NUP88: variants seen among roughly 807,000 people sequenced by gnomAD.
NUP88 encodes the protein nuclear pore complex protein Nup88.
Under a neutral mutation model 93.9 loss-of-function variants are expected in NUP88, and 57 were observed. That is an observed-to-expected ratio of 0.61 (90% CI 0.49 to 0.76). The LOEUF is 0.76. NUP88 is among the 30% of genes least tolerant of loss of function. The pLI, the probability that NUP88 is intolerant of heterozygous loss-of-function variation, is 0.00. For synonymous variants in NUP88, 346 were observed against 336.8 expected (o/e 1.03, Z -0.30); for missense variants, 911 against 901.0 (o/e 1.01, Z -0.14).
intron 6 of NUP88, among the ~76,000 whole-genome samples, chr17:5,404,640 A>T (rs559616098): frequency 4.6e-5 from 7 of 152,242 alleles, no homozygotes; most frequent in South Asian, 2.1e-4. Flanking sequence ...AAAAATAAAT[A>T]AAAAAATTGA....
At chr17:5,415,760 G>C (rs916450456) in intron 2 of NUP88, among the ~76,000 whole-genome samples, 3 of 151,982 alleles carry the variant, frequency 2.0e-5, no homozygotes, top group African/African-American at 4.8e-5. Context: ...TGGGTTTATC[G>C]GGACATAACC....
chr17:5,395,527 A>ATCT (rs1912719038), intron 8 of NUP88, among the ~76,000 whole-genome samples: 4 of 140,592 alleles, frequency 2.8e-5, no homozygotes, highest in Admixed American at 2.2e-4. Context: ...TACTCAATTT[A>ATCT]TAACAGCTTT....
At chr17:5,398,594 C>CTT (rs892477455) in intron 8 of NUP88, among the ~76,000 whole-genome samples, 2 of 125,920 alleles carry the variant, frequency 1.6e-5, no homozygotes, top group Admixed American at 8.0e-5. Flanking sequence ...CCTGGCCTAA[C>CTT]TTTTTTTTTT....
intron 2 of NUP88, among the ~76,000 whole-genome samples, chr17:5,416,180 T>TAC (rs1555530301): frequency 1.1e-4 from 12 of 107,326 alleles, no homozygotes; most frequent in East Asian, 4.0e-4. Context: ...TATATATATA[T>TAC]ACACACATAC....
chr17:5,419,324 G>A, intron 1 of NUP88, 30 bp downstream of exon 1: 1 of 1,527,108 alleles, frequency 6.5e-7, no homozygotes. Flanking sequence ...ATCCCGGTGA[G>A]GGTCACTTCC....
At chr17:5,399,690 G>T in intron 7 of NUP88, 40 bp from the exon 8 acceptor site, 1 of 1,124,628 alleles carries the variant, frequency 8.9e-7, no homozygotes, top group South Asian at 1.5e-5. Context: ...GTAGCCAGTG[G>T]ATAACTAAAA....
chr17:5,400,140 TA>T (rs1280995996), intron 7 of NUP88, among the ~76,000 whole-genome samples: 4,916 of 120,654 alleles, frequency 0.041, 302 homozygotes, highest in African/African-American at 0.13. Context: ...TTTCATTTGT[TA>T]AAAAAAAAAA....
chr17:5,410,225 C>G (rs1317737986), intron 4 of NUP88, among the ~76,000 whole-genome samples: 1 of 152,152 alleles, frequency 6.6e-6, no homozygotes, highest in Non-Finnish European at 1.5e-5. Flanking sequence ...CTATTTTTCT[C>G]AATTTTCTAC....
In NUP88 at chr17:5,386,043, A is replaced by C. The variant is rs1911930738; in HGVS notation, c.*163T>G. The C allele has an allele frequency of 1.8e-6, 1 of 565,832 alleles. No homozygotes were observed. 35.1% of individuals were successfully genotyped at this position (565,832 alleles called of 1,614,324 possible). A position where few individuals can be genotyped will look rare whatever the true frequency, so the allele number is the denominator to read the frequency against. ...AAAGCACATTCCAAATTTTAAATAA[A>C]AGCATTTACTCAATTATTATAAAAC... On this transcript the variant is annotated 3_prime_UTR_variant, in exon 17 of 17. Transcript: ENST00000573584.
In NUP88 at chr17:5,401,531, G is replaced by A. The variant is rs553566908; in HGVS notation, c.1193-1881C>T. On this transcript the variant is annotated intron_variant, in intron 7 of 16. Transcript: ENST00000573584. ...CTAACAGTCTCACTTTGTGGTTAGT[G>A]ACTTTATCATAAATTAATATTCTAA... 2.0e-5 allele frequency among the ~76,000 whole-genome samples: 3 copies of A among 152,234 alleles called. No homozygotes were observed. The East Asian group carries it at 5.8e-4, about 29-fold the overall frequency.
At chr17:5,399,038 G>A (rs1285597226) in intron 8 of NUP88, among the ~76,000 whole-genome samples, 2 of 151,598 alleles carry the variant, frequency 1.3e-5, no homozygotes, top group Non-Finnish European at 2.9e-5. Context: ...ACAGGCGCCC[G>A]CCACCACGCC....
intron 8 of NUP88, among the ~76,000 whole-genome samples, chr17:5,397,951 G>A (rs1345313064): frequency 1.4e-5 from 2 of 141,004 alleles, no homozygotes; most frequent in African/African-American, 5.4e-5. Flanking sequence ...CACCCAGGCT[G>A]GAGTGCAGTG....
chr17:5,414,682 G>A (rs1475860601), intron 2 of NUP88, among the ~76,000 whole-genome samples: 1 of 152,070 alleles, frequency 6.6e-6, no homozygotes. Context: ...ACTTTGGGAG[G>A]CCAAGGCAGG....
intron 3 of NUP88, among the ~76,000 whole-genome samples, chr17:5,412,651 A>AC (rs1913905509): frequency 6.6e-6 from 1 of 150,534 alleles, no homozygotes; most frequent in African/African-American, 2.4e-5. Context: ...CTCCAACACC[A>AC]CCCCACCCCC....
Position 5,387,685 on chromosome 17 carries a change from A to C in NUP88, c.1770-15T>G. On this transcript the variant is annotated splice_polypyrimidine_tract_variant and intron_variant, in intron 12 of 16. Transcript: ENST00000573584. Reference sequence around the variant, plus strand: ...ATAATTTGACCCTTTAAAAACAAAAAGAAATAGAGTTTATTCAGAAGCCAG... The same window carrying C: ...ATAATTTGACCCTTTAAAAACAAAACGAAATAGAGTTTATTCAGAAGCCAG... 1 of 1,610,168 alleles carries C rather than the reference A, an allele frequency of 6.2e-7. No individual in the cohort carries two copies. The highest frequency in any genetic ancestry group is 8.5e-7 in the Non-Finnish European group (1 of 1,177,984).
Position 5,419,372 on chromosome 17 carries a change from G to A in NUP88, c.279C>T (p.Pro93=). 3 of 1,600,530 alleles carry A rather than the reference G, an allele frequency of 1.9e-6. No individual in the cohort carries two copies. The highest frequency in any genetic ancestry group is 2.2e-5 in the East Asian group (1 of 44,702). The change falls in exon 1 of 17, where the codon CCC becomes CCT. Residue 93 remains proline (P), a synonymous_variant. Transcript: ENST00000573584. ...GCATTACCTGGTACTGGGACAGGGC[G>A]GGCTCTTCGCCGCCGCCGCTGGGGC... ...LRGPSGGGEE[P]ALSQYQRLLC...
rs1912008697 is a variant in NUP88 at position 5,386,710 on chromosome 17, CTCT to C, written c.2157_2159del (p.Glu721del). The C allele has an allele frequency of 1.3e-6, 2 of 1,589,156 alleles. No individual in the cohort carries two copies. Among genetic ancestry groups the C allele is most frequent in the South Asian group, 1.1e-5 (1 of 90,484 alleles). On this transcript the variant is annotated inframe_deletion, in exon 16 of 17. Coordinates refer to ENST00000573584, the MANE Select transcript of NUP88 (RefSeq NM_002532.6). The stretch of plus-strand genomic sequence containing the variant: ...GCTGATTGGAAGTATTTACTTACTC[CTCT>C]TTCAGGATGGACTGAATGCACTTTC...
At chr17:5,413,839 AG>A (rs1913982037) in intron 3 of NUP88, among the ~76,000 whole-genome samples, 169 bp downstream of exon 3, 1 of 152,222 alleles carries the variant, frequency 6.6e-6, no homozygotes, top group Admixed American at 6.5e-5. Flanking sequence ...AATAGTGGTA[AG>A]TTAGAGCAGT....
rs1167773583 is a variant in NUP88, at chr17:5,413,139, AGCTAATTTTTTTT to A, written c.593+857_593+869del. On this transcript the variant is annotated intron_variant, in intron 3 of 16. Transcript: ENST00000573584. ...ACTACCGGCACATGCCATTATGCCCAGCTAATTTTTTTTGCAGAGACAGGATCTCACTGTATTG... is the reference window on the plus strand; with the variant it reads ...ACTACCGGCACATGCCATTATGCCCAGCAGAGACAGGATCTCACTGTATTG... Among the ~76,000 whole-genome samples, 16 of 152,106 alleles carry A rather than the reference AGCTAATTTTTTTT, an allele frequency of 1.1e-4. No homozygotes were observed. The South Asian group carries it at 1.2e-3, about 12-fold the overall frequency.
Sources: gnomAD v4.1 joint callset for allele counts (sites outside exome capture counted in the v4.1 genomes callset) on GRCh38, gnomAD v4.1.1 for gene constraint, MANE v1.5 for transcripts, NCBI Gene and HGNC (gene_info 2026-07-23, HGNC 2026-07-21) for gene names.